The following CDH4 variants were observed in gnomAD, a reference collection of about 807,000 sequenced individuals.
CDH4 encodes the protein cadherin 4.
CDH4 carries 33 observed loss-of-function variants against 86.0 expected under a neutral mutation model. The observed-to-expected ratio is 0.38, with a 90% CI of 0.29 to 0.51. The LOEUF (loss-of-function observed/expected upper bound fraction) is 0.51, where lower values mean the gene tolerates loss of function less well. CDH4 is among the 20% of genes least tolerant of loss of function. CDH4 has a pLI of 0.86. For synonymous variants in CDH4, 555 were observed against 549.4 expected (o/e 1.01, Z -0.14); for missense variants, 1,114 against 1,307.4 (o/e 0.85, Z 2.28).
rs1169030314 is a variant in CDH4, at chr20:61,517,087, A to G, written c.170-226476A>G. 6.6e-6 allele frequency among the ~76,000 whole-genome samples: 1 copy of G among 152,164 alleles called. No individual in the cohort carries two copies. The highest frequency in any genetic ancestry group is 2.4e-5 in the African/African-American group (1 of 41,436). ...TCACACTCCATCTGCCCTTCCAGAA[A>G]GCTCCCTCAGGCCCCTTGTGGCCAC... On this transcript the variant is annotated intron_variant, in intron 2 of 15. Transcript: ENST00000614565. The surrounding 1 kb of genome is among the most constrained non-coding windows in gnomAD (Gnocchi z 6.6).
chr20:61,466,205 C>T (rs761453910), intron 2 of CDH4, among the ~76,000 whole-genome samples: 6 of 152,210 alleles, frequency 3.9e-5, no homozygotes, highest in Admixed American at 2.0e-4. Context: ...CAAGCAGAGT[C>T]TCTTTTTAGA....
At chr20:61,406,580 A>C (rs2085084736) in intron 2 of CDH4, among the ~76,000 whole-genome samples, 1 of 138,600 alleles carries the variant, frequency 7.2e-6, no homozygotes, top group Non-Finnish European at 1.5e-5. Flanking sequence ...CTGGACCACC[A>C]TCTGCTCTGC....
At chr20:61,605,900 A>C (rs1466495628) in intron 2 of CDH4, among the ~76,000 whole-genome samples, 1 of 151,942 alleles carries the variant, frequency 6.6e-6, no homozygotes, top group African/African-American at 2.4e-5. Flanking sequence ...AAAAAAAAAA[A>C]AAAAACAGGA....
At chr20:61,460,238 C>T (rs963348326) in intron 2 of CDH4, among the ~76,000 whole-genome samples, 5 of 152,160 alleles carry the variant, frequency 3.3e-5, no homozygotes, top group Admixed American at 6.5e-5. Context: ...TTCATTGGTG[C>T]CTCTGCTCCC....
rs146751746 is a variant in CDH4, at chr20:61,787,322, T to C, written c.576+14140T>C. On this transcript the variant is annotated intron_variant, in intron 4 of 15. Coordinates refer to ENST00000614565, the MANE Select transcript of CDH4 (RefSeq NM_001794.5). ...AGGTCTGGGGAGGCCTCAGGAAACT[T>C]ATAATCATGGTGGAAGGGGAAGCAA... Among the ~76,000 whole-genome samples the C allele has an allele frequency of 4.3e-3, 649 of 152,304 alleles. 6 individuals carry two copies. Among genetic ancestry groups the C allele is most frequent in the African/African-American group, 0.015 (621 of 41,576 alleles).
At chr20:61,775,254 G>C (rs1268697439) in intron 4 of CDH4, among the ~76,000 whole-genome samples, 1 of 152,184 alleles carries the variant, frequency 6.6e-6, no homozygotes, top group African/African-American at 2.4e-5. Context: ...GGGGCTGAAG[G>C]GTGTGCTGGA....
chr20:61,468,922 G>A (rs556624999), intron 2 of CDH4, among the ~76,000 whole-genome samples: 3 of 152,186 alleles, frequency 2.0e-5, no homozygotes, highest in African/African-American at 4.8e-5. Flanking sequence ...ATACTCCATC[G>A]TGTATAGGTA....
intron 2 of CDH4, among the ~76,000 whole-genome samples, chr20:61,457,623 G>A (rs545551218): frequency 6.6e-6 from 1 of 152,124 alleles, no homozygotes; most frequent in African/African-American, 2.4e-5. Context: ...GACAGTGCTG[G>A]CACTGGTGGT....
At chr20:61,522,741 G>C (rs1033451049) in intron 2 of CDH4, among the ~76,000 whole-genome samples, 20 of 152,186 alleles carry the variant, frequency 1.3e-4, no homozygotes, top group African/African-American at 4.6e-4. Flanking sequence ...GCCGCGGGCT[G>C]TTGTCTTCCG....
intron 2 of CDH4, among the ~76,000 whole-genome samples, chr20:61,730,258 C>T (rs529067140): frequency 4.6e-5 from 7 of 152,112 alleles, no homozygotes; most frequent in African/African-American, 7.2e-5. Flanking sequence ...CATGGTGACA[C>T]GGAGCCACCA....
intron 2 of CDH4, among the ~76,000 whole-genome samples, chr20:61,315,530 C>T (rs8118581): frequency 0.044 from 6,633 of 152,192 alleles, 192 homozygotes; most frequent in African/African-American, 0.066. Flanking sequence ...AGAAAAAGGA[C>T]GTGAGAATTG....
chr20:61,646,093 C>G (rs2087058413), intron 2 of CDH4, among the ~76,000 whole-genome samples: 1 of 152,134 alleles, frequency 6.6e-6, no homozygotes, highest in Non-Finnish European at 1.5e-5. Context: ...ACTCACAGCC[C>G]AGGTCATGGT....
At chr20:61,803,454 A>G (rs1405378287) in intron 4 of CDH4, among the ~76,000 whole-genome samples, 1 of 152,242 alleles carries the variant, frequency 6.6e-6, no homozygotes, top group Non-Finnish European at 1.5e-5. Flanking sequence ...ATTTGGAAAT[A>G]TGAAATGGTA....
intron 2 of CDH4, among the ~76,000 whole-genome samples, chr20:61,557,306 A>G (rs1053761869): frequency 3.3e-5 from 5 of 152,226 alleles, no homozygotes; most frequent in African/African-American, 1.2e-4. Flanking sequence ...AAGCAATGGA[A>G]GAGGCTGCCC....
At chr20:61,439,298 G>C (rs1468734208) in intron 2 of CDH4, among the ~76,000 whole-genome samples, 1 of 118,666 alleles carries the variant, frequency 8.4e-6, no homozygotes, top group African/African-American at 3.1e-5. Context: ...TGTACAGTGT[G>C]ACAAAACAAA....
chr20:61,877,041 G>A (rs6121824), intron 7 of CDH4, among the ~76,000 whole-genome samples: 22,065 of 152,148 alleles, frequency 0.15, 1,990 homozygotes, highest in South Asian at 0.2. Flanking sequence ...GACCCCCTGG[G>A]GTTCCCCCAG....
chr20:61,502,615 T>C (rs1040410419), intron 2 of CDH4, among the ~76,000 whole-genome samples: 5 of 152,352 alleles, frequency 3.3e-5, no homozygotes, highest in African/African-American at 1.2e-4. Context: ...CTAACCCTGA[T>C]ACTGCACAAT....
intron 2 of CDH4, among the ~76,000 whole-genome samples, chr20:61,271,024 C>T (rs1714861657): frequency 6.6e-6 from 1 of 152,172 alleles, no homozygotes; most frequent in African/African-American, 2.4e-5. Context: ...GCACAATATT[C>T]TCTAAAAATC....
At position 61,779,030 on chromosome 20, in the gene CDH4, C is replaced by T. The variant is rs1978391680; in HGVS notation, c.576+5848C>T. ...ACCTGGTCCCTCGGCCCTTGTAGGG[C>T]TGGTACCTACACAGGCACATTCTTA... On this transcript the variant is annotated intron_variant, in intron 4 of 15. Coordinates refer to ENST00000614565, the MANE Select transcript of CDH4 (RefSeq NM_001794.5). Among the ~76,000 whole-genome samples the T allele has an allele frequency of 2.0e-5, 3 of 152,198 alleles. No homozygotes were observed. The South Asian group carries it at 6.2e-4, about 32-fold the overall frequency.
Sources: gnomAD v4.1 joint callset for allele counts (sites outside exome capture counted in the v4.1 genomes callset) on GRCh38, gnomAD v4.1.1 for gene constraint, Gnocchi (gnomAD v3.1) non-coding constraint, MANE v1.5 for transcripts, NCBI Gene and HGNC (gene_info 2026-07-23, HGNC 2026-07-21) for gene names.